Variants in NAALADL2 observed in about 807,000 individuals in gnomAD.
NAALADL2 encodes the protein inactive N-acetylated-alpha-linked acidic dipeptidase-like protein 2.
NAALADL2 carries 76 observed loss-of-function variants against 87.2 expected under a neutral mutation model. The ratio of observed to expected loss-of-function variants is 0.87; its 90% confidence interval spans 0.72 to 1.05. NAALADL2 has a LOEUF of 1.05. NAALADL2 is among the 50% of genes least tolerant of loss of function. The pLI, the probability that NAALADL2 is intolerant of heterozygous loss-of-function variation, is 0.00. For synonymous variants in NAALADL2, 354 were observed against 331.0 expected, an observed-to-expected ratio of 1.07 and a Z score of -0.75; for missense variants, 1,089 against 945.8, an observed-to-expected ratio of 1.15 and a Z score of -1.99.
In NAALADL2 at chr3:175,328,444, C is replaced by G. The variant is rs76412818; in HGVS notation, c.1090+4119C>G. On this transcript the variant is annotated intron_variant, in intron 5 of 13. Coordinates refer to ENST00000454872, the MANE Select transcript of NAALADL2 (RefSeq NM_207015.3). ...AAAAAAAAAAAAAGTCTAACCCTGA[C>G]TTTTTGTAAATTGCGGGGGAGGCAG... is the stretch of plus-strand genomic sequence containing the variant. Among the ~76,000 whole-genome samples the G allele has an allele frequency of 7.3e-3, 1,100 of 151,582 alleles. 18 individuals carry two copies. Among genetic ancestry groups the G allele is most frequent in the African/African-American group, 0.026 (1,059 of 41,290 alleles).
intron 12 of NAALADL2, among the ~76,000 whole-genome samples, chr3:175,738,844 C>T (rs1397124329): frequency 6.6e-6 from 1 of 152,106 alleles, no homozygotes; most frequent in African/African-American, 2.4e-5. Context: ...AAACATATGG[C>T]ACTTTGCAAA....
At chr3:175,745,807 T>C (rs778708090) in intron 12 of NAALADL2, among the ~76,000 whole-genome samples, 7 of 152,164 alleles carry the variant, frequency 4.6e-5, no homozygotes, top group Non-Finnish European at 7.3e-5. Flanking sequence ...ATAATCTTAC[T>C]AAATTTGATG....
chr3:175,617,809 G>A (rs1252065877), intron 10 of NAALADL2, among the ~76,000 whole-genome samples: 3 of 152,154 alleles, frequency 2.0e-5, no homozygotes, highest in African/African-American at 4.8e-5. Context: ...AGCCCTTCTG[G>A]GAAGGCAGTG....
chr3:175,053,373 G>A (rs1020933255), intron 1 of NAALADL2, among the ~76,000 whole-genome samples: 4 of 152,040 alleles, frequency 2.6e-5, no homozygotes, highest in East Asian at 1.9e-4. Context: ...GTTTTCTTCC[G>A]CCATCTGTGA....
chr3:174,855,775 TACAC>T (rs10576439), upstream of NAALADL2, among the ~76,000 whole-genome samples: 36,741 of 135,328 alleles, frequency 0.27, 4,978 homozygotes, highest in Middle Eastern at 0.33. Context: ...AGGAGAGAAA[TACAC>T]ACACACACAC....
chr3:175,739,476 T>C (rs1451709350), intron 12 of NAALADL2, among the ~76,000 whole-genome samples: 2 of 152,194 alleles, frequency 1.3e-5, no homozygotes, highest in Non-Finnish European at 2.9e-5. Context: ...AAATGACCTA[T>C]TGGGTTATTG....
chr3:174,497,766 GTTAA>G (rs1442078680), intron 1 of NAALADL2, among the ~76,000 whole-genome samples: 1 of 152,092 alleles, frequency 6.6e-6, no homozygotes, highest in Non-Finnish European at 1.5e-5. Flanking sequence ...TCAATTTATT[GTTAA>G]TTGCTTGTGA....
At chr3:175,726,062 A>G (rs1742874244) in intron 11 of NAALADL2, among the ~76,000 whole-genome samples, 1 of 152,146 alleles carries the variant, frequency 6.6e-6, no homozygotes, top group South Asian at 2.1e-4. Flanking sequence ...GTCCCTCTCT[A>G]GAAACAATAT....
At chr3:174,503,110 GA>G in intron 1 of NAALADL2, among the ~76,000 whole-genome samples, 1 of 152,130 alleles carries the variant, frequency 6.6e-6, no homozygotes, top group African/African-American at 2.4e-5. Flanking sequence ...ATTCAATTTG[GA>G]AACAAGGCAA....
At chr3:174,528,836 C>T (rs1720992137) in intron 1 of NAALADL2, among the ~76,000 whole-genome samples, 5 of 152,124 alleles carry the variant, frequency 3.3e-5, no homozygotes, top group Admixed American at 3.3e-4. Context: ...ATGAGAACAG[C>T]ATGGGAAAGA....
chr3:175,661,402 A>T (rs1419811318), intron 11 of NAALADL2, among the ~76,000 whole-genome samples: 1 of 149,344 alleles, frequency 6.7e-6, no homozygotes, highest in African/African-American at 2.5e-5. Flanking sequence ...TATTCTGGTT[A>T]TTAATTCCTG....
At chr3:175,491,306 A>T (rs1560641917) in intron 9 of NAALADL2, among the ~76,000 whole-genome samples, 2 of 151,178 alleles carry the variant, frequency 1.3e-5, no homozygotes, top group Non-Finnish European at 2.9e-5. Context: ...ATTGACTTGA[A>T]TTTTTTTGTT....
chr3:174,467,349 C>T (rs1716597917), intron 1 of NAALADL2, among the ~76,000 whole-genome samples: 1 of 151,742 alleles, frequency 6.6e-6, no homozygotes, highest in African/African-American at 2.4e-5. Context: ...AATCCCAACA[C>T]TCTGGGAGGC....
intron 9 of NAALADL2, among the ~76,000 whole-genome samples, chr3:175,541,031 A>C (rs1050308824): frequency 2.6e-5 from 4 of 152,208 alleles, no homozygotes; most frequent in African/African-American, 9.6e-5. Flanking sequence ...ATAGAAAATC[A>C]CTAGCTACAA....
At chr3:175,581,675 T>G (rs1309523105) in intron 10 of NAALADL2, among the ~76,000 whole-genome samples, 1 of 152,192 alleles carries the variant, frequency 6.6e-6, no homozygotes, top group Non-Finnish European at 1.5e-5. Context: ...TAATAAACTT[T>G]TTGTACTCCA....
chr3:174,730,456 C>T (rs1732590781), intron 2 of NAALADL2, among the ~76,000 whole-genome samples: 1 of 152,038 alleles, frequency 6.6e-6, no homozygotes, highest in African/African-American at 2.4e-5. Context: ...TGTCTGAACA[C>T]TTTTCCTATA....
intron 1 of NAALADL2, among the ~76,000 whole-genome samples, chr3:174,492,162 T>TGGG (rs1321545619): frequency 1.3e-5 from 2 of 151,272 alleles, no homozygotes; most frequent in African/African-American, 4.9e-5. Flanking sequence ...CTCAGCTGCT[T>TGGG]GGGAGGCTGA....
At chr3:174,957,131 A>C (rs1483527441) in intron 1 of NAALADL2, among the ~76,000 whole-genome samples, 1 of 151,970 alleles carries the variant, frequency 6.6e-6, no homozygotes, top group Admixed American at 6.6e-5. Flanking sequence ...AACTGATAAC[A>C]AAAGGCGACA....
chr3:175,004,941 A>G lies in NAALADL2; in HGVS notation c.44-91849A>G, dbSNP rs576801488. On this transcript the variant is annotated intron_variant, in intron 1 of 13. Coordinates refer to ENST00000454872, the MANE Select transcript of NAALADL2 (RefSeq NM_207015.3). ...TTCAGATAAGAGATACTCAATCTGT[A>G]TATAAAATTGTGACAATGGTAAATT... Among the ~76,000 whole-genome samples the G allele has an allele frequency of 4.6e-5, 7 of 152,290 alleles. No homozygotes were observed. In the South Asian group the frequency reaches 1.2e-3, roughly 27 times the overall value.
Sources: gnomAD v4.1 joint callset for allele counts (sites outside exome capture counted in the v4.1 genomes callset) on GRCh38, gnomAD v4.1.1 for gene constraint, MANE v1.5 for transcripts, NCBI Gene and HGNC (gene_info 2026-07-23, HGNC 2026-07-21) for gene names.